Variants in PRLR observed in about 807,000 individuals in gnomAD.
The protein encoded by PRLR is prolactin receptor.
A neutral mutation model predicts 40.2 loss-of-function variants in PRLR; 13 were observed. The ratio of observed to expected loss-of-function variants is 0.32; its 90% CI spans 0.21 to 0.51. The LOEUF is 0.51. Among genes scored for constraint, PRLR ranks in the 20% least tolerant of loss-of-function variants. The pLI is 0.97. For missense variants in PRLR, 656 were observed against 747.3 expected, an observed-to-expected ratio of 0.88 and a Z score of 1.42; for synonymous variants, 269 against 278.7, an observed-to-expected ratio of 0.97 and a Z score of 0.35.
At chr5:35,080,435 A>G (rs1367829617) in intron 5 of PRLR, among the ~76,000 whole-genome samples, 1 of 152,248 alleles carries the variant, frequency 6.6e-6, no homozygotes, top group African/African-American at 2.4e-5. Context: ...CAGACACGTG[A>G]AAAAATGCTC....
At chr5:35,174,158 C>T (rs1324355802) in intron 1 of PRLR, among the ~76,000 whole-genome samples, 4 of 151,400 alleles carry the variant, frequency 2.6e-5, no homozygotes, top group Admixed American at 6.6e-5. Context: ...GGCGCGATCT[C>T]GGCTCACTGC....
chr5:35,143,024 G>A (rs145372390), intron 1 of PRLR, among the ~76,000 whole-genome samples: 1 of 152,268 alleles, frequency 6.6e-6, no homozygotes, highest in Non-Finnish European at 1.5e-5. Flanking sequence ...GTCTTCACTA[G>A]GTATATTTTA....
intron 5 of PRLR, among the ~76,000 whole-genome samples, chr5:35,076,992 T>G (rs1770146408): frequency 6.6e-6 from 1 of 152,150 alleles, no homozygotes; most frequent in African/African-American, 2.4e-5. Context: ...GACAAGCAAA[T>G]GCTGAGAGAT....
intron 8 of PRLR, among the ~76,000 whole-genome samples, chr5:35,050,621 A>T (rs540438968): frequency 6.6e-6 from 1 of 152,306 alleles, no homozygotes; most frequent in African/African-American, 2.4e-5. Flanking sequence ...TTCTGTTGTC[A>T]TGTTAGTAAT....
Position 35,065,773 on chromosome 5 carries a change from C to CTGG in PRLR, c.1182_1184dup (p.Pro394_Gln395insHis), listed in dbSNP as rs1246137821. 6.2e-7 allele frequency: 1 copy of CTGG among 1,614,122 alleles called. No homozygotes were observed. Among genetic ancestry groups the CTGG allele is most frequent in the African/African-American group, 1.3e-5 (1 of 75,020 alleles). On this transcript the variant is annotated inframe_insertion, in exon 10 of 10. Transcript: ENST00000618457. The stretch of plus-strand genomic sequence containing the variant: ...GGATTTTGCCTTCCATGCTTATGCA[C>CTGG]TGGGGGTCCCAGGTGTGGGTTGTTT...
intron 1 of PRLR, among the ~76,000 whole-genome samples, chr5:35,149,880 C>T (rs1265531388): frequency 1.3e-5 from 2 of 150,724 alleles, no homozygotes; most frequent in African/African-American, 2.4e-5. Flanking sequence ...TTTTCTGAGA[C>T]AGAGTTTCAC....
At chr5:35,098,000 T>C (rs1451750805) in intron 2 of PRLR, among the ~76,000 whole-genome samples, 1 of 152,140 alleles carries the variant, frequency 6.6e-6, no homozygotes, top group Non-Finnish European at 1.5e-5. Context: ...ATAGAGGCAT[T>C]GGGGGTGTGA....
intron 1 of PRLR, among the ~76,000 whole-genome samples, chr5:35,132,943 G>A (rs1424656056): frequency 6.6e-6 from 1 of 152,174 alleles, no homozygotes; most frequent in Non-Finnish European, 1.5e-5. Flanking sequence ...TCCATAGACT[G>A]AGTAAAGAAT....
chr5:35,115,078 G>A (rs1353132902), intron 2 of PRLR, among the ~76,000 whole-genome samples: 2 of 152,188 alleles, frequency 1.3e-5, no homozygotes, highest in Non-Finnish European at 2.9e-5. Context: ...TTGTCCAGTG[G>A]TGGTAGCCAC....
intron 1 of PRLR, among the ~76,000 whole-genome samples, chr5:35,225,821 A>G (rs9292576): frequency 0.7 from 106,228 of 152,022 alleles, 38,159 homozygotes; most frequent in Middle Eastern, 0.8. Flanking sequence ...AGCTGGGATT[A>G]CAGGCACCCA....
intron 1 of PRLR, among the ~76,000 whole-genome samples, chr5:35,128,437 T>C (rs1390272634): frequency 6.6e-6 from 1 of 151,748 alleles, no homozygotes; most frequent in Non-Finnish European, 1.5e-5. Flanking sequence ...CTGAATACAA[T>C]GCGAATACTA....
intron 1 of PRLR, among the ~76,000 whole-genome samples, chr5:35,160,918 A>T (rs938607613): frequency 6.6e-6 from 1 of 152,218 alleles, no homozygotes; most frequent in African/African-American, 2.4e-5. Flanking sequence ...GATAAGACTG[A>T]CTTGAGTAAT....
At chr5:35,161,004 G>A (rs1441090820) in intron 1 of PRLR, among the ~76,000 whole-genome samples, 1 of 152,214 alleles carries the variant, frequency 6.6e-6, no homozygotes, top group Non-Finnish European at 1.5e-5. Context: ...TCTTTGTGTA[G>A]TGGGCAGGAA....
chr5:35,108,223 T>TC (rs1772404642), intron 2 of PRLR, among the ~76,000 whole-genome samples: 1 of 151,952 alleles, frequency 6.6e-6, no homozygotes, highest in Non-Finnish European at 1.5e-5. Flanking sequence ...GAAACATATC[T>TC]CAAAAAAAGA....
intron 1 of PRLR, among the ~76,000 whole-genome samples, chr5:35,203,499 C>T (rs191003602): frequency 1.2e-4 from 19 of 152,260 alleles, no homozygotes; most frequent in African/African-American, 4.3e-4. Context: ...AATTTGAAAT[C>T]ATCACAGGAA....
chr5:35,135,717 A>G (rs1206177805), intron 1 of PRLR, among the ~76,000 whole-genome samples: 1 of 152,068 alleles, frequency 6.6e-6, no homozygotes, highest in Non-Finnish European at 1.5e-5. Flanking sequence ...TTTTCTGACC[A>G]TCTTTGTTAG....
chr5:35,065,170 A>C lies in PRLR; in HGVS notation c.1788T>G (p.Thr596=). 1 of 1,614,196 alleles carries C rather than the reference A, an allele frequency of 6.2e-7. No individual in the cohort carries two copies. The highest frequency in any genetic ancestry group is 1.1e-5 in the South Asian group (1 of 91,082). ...NQAEKALANF[T]ATSSKCRLQL... ...GGAGCCTGCACTTGCTTGATGTTGC[A>C]GTGAAGTTGGCCAGGGCTTTCTCAG... Residue 596 remains threonine, a synonymous_variant, in exon 10 of 10, where the codon ACT becomes ACG. Coordinates refer to ENST00000618457, the MANE Select transcript of PRLR (RefSeq NM_000949.7).
intron 1 of PRLR, among the ~76,000 whole-genome samples, chr5:35,196,992 T>C (rs1457407126): frequency 2.0e-5 from 3 of 152,238 alleles, no homozygotes; most frequent in Non-Finnish European, 1.5e-5. Flanking sequence ...ACTAATCTCA[T>C]TCATGAAGCC....
rs528008013 is a variant in PRLR at position 35,090,089 on chromosome 5, A to G, written c.-43-426T>C. Reference sequence around the variant, plus strand: ...CAAAAATTGTCCAGGCTGAAAAGTCAGTACCCTCAGTACAATCTCAACATA... The same window carrying G: ...CAAAAATTGTCCAGGCTGAAAAGTCGGTACCCTCAGTACAATCTCAACATA... On this transcript the variant is annotated intron_variant, in intron 2 of 9. Coordinates refer to ENST00000618457, the MANE Select transcript of PRLR (RefSeq NM_000949.7). Among the ~76,000 whole-genome samples, 39 of 152,338 alleles carry G rather than the reference A, an allele frequency of 2.6e-4. 1 individual carries two copies. The South Asian group carries it at 7.5e-3, about 29-fold the overall frequency.
Sources: gnomAD v4.1 joint callset for allele counts (sites outside exome capture counted in the v4.1 genomes callset) on GRCh38, gnomAD v4.1.1 for gene constraint, MANE v1.5 for transcripts, NCBI Gene and HGNC (gene_info 2026-07-23, HGNC 2026-07-21) for gene names.